The following CDC26 variants were observed in gnomAD, a reference collection of about 807,000 sequenced individuals.
CDC26 encodes the protein cell division cycle 26, also known as anaphase-promoting complex subunit CDC26.
In CDC26, 2 loss-of-function variants were observed where a neutral mutation model predicts 8.0. The ratio of observed to expected loss-of-function variants is 0.25; its 90% CI spans 0.10 to 0.79. The LOEUF (loss-of-function observed/expected upper bound fraction) is 0.79. CDC26 is among the 30% of genes least tolerant of loss of function. The pLI is 0.70. For synonymous variants in CDC26, 19 were observed against 34.9 expected (o/e 0.55, Z 1.60); for missense variants, 68 against 106.0 (o/e 0.64, Z 1.57).
At chr9:113,269,760 C>G (rs141988420) in intron 3 of CDC26, among the ~76,000 whole-genome samples, 3 of 152,264 alleles carry the variant, frequency 2.0e-5, no homozygotes, top group Non-Finnish European at 4.4e-5. Flanking sequence ...GCAAAAATTA[C>G]GATACTTAGA....
intron 3 of CDC26, among the ~76,000 whole-genome samples, chr9:113,270,923 T>C (rs1328005338): frequency 6.6e-6 from 1 of 152,214 alleles, no homozygotes; most frequent in Non-Finnish European, 1.5e-5. Context: ...TTCTTGATAC[T>C]GGATGCAGAA....
intron 3 of CDC26, among the ~76,000 whole-genome samples, chr9:113,268,692 G>A (rs1831903841): frequency 6.6e-6 from 1 of 152,164 alleles, no homozygotes; most frequent in African/African-American, 2.4e-5. Flanking sequence ...CAAGGCGGAG[G>A]ATTGCTTGAG....
chr9:113,275,304 CG>C, intron 1 of CDC26, 77 bp downstream of exon 1: 1 of 162,038 alleles, frequency 6.2e-6, no homozygotes, highest in South Asian at 1.7e-4. Context: ...CCCGTACGCC[CG>C]GGGGGCACAG....
chr9:113,269,632 A>C (rs1161448656), intron 3 of CDC26, among the ~76,000 whole-genome samples: 1 of 152,224 alleles, frequency 6.6e-6, no homozygotes, highest in African/African-American at 2.4e-5. Flanking sequence ...GACTAACTCA[A>C]TAGTGAGCTG....
intron 3 of CDC26, among the ~76,000 whole-genome samples, chr9:113,269,006 G>T (rs148820362): frequency 0.045 from 6,840 of 152,140 alleles, 477 homozygotes; most frequent in African/African-American, 0.15. Flanking sequence ...GCCTGCCTCG[G>T]CCTCTCAAGG....
chr9:113,267,956 C>T (rs1017287921), intron 3 of CDC26, among the ~76,000 whole-genome samples: 2 of 152,112 alleles, frequency 1.3e-5, no homozygotes, highest in African/African-American at 4.8e-5. Flanking sequence ...CACTGCACTC[C>T]AGCCTGGCGA....
chr9:113,269,231 A>G (rs1831914913), intron 3 of CDC26, among the ~76,000 whole-genome samples: 2 of 148,788 alleles, frequency 1.3e-5, no homozygotes, highest in Admixed American at 6.6e-5. Context: ...CAACAATAAA[A>G]ATAAAAAAAA....
At chr9:113,272,386 G>T in intron 3 of CDC26, 41 bp downstream of exon 3, 1 of 1,447,152 alleles carries the variant, frequency 6.9e-7, no homozygotes, top group Non-Finnish European at 9.7e-7. Flanking sequence ...GTGTGACAGA[G>T]CGAGACTCCA....
At chr9:113,268,714 G>C (rs563063980) in intron 3 of CDC26, among the ~76,000 whole-genome samples, 1 of 152,232 alleles carries the variant, frequency 6.6e-6, no homozygotes, top group East Asian at 1.9e-4. Flanking sequence ...CCAGGAGTGT[G>C]ACACTAGCCT....
At chr9:113,271,426 C>T in intron 3 of CDC26, among the ~76,000 whole-genome samples, 1 of 152,040 alleles carries the variant, frequency 6.6e-6, no homozygotes, top group Non-Finnish European at 1.5e-5. Flanking sequence ...TAAACACAAT[C>T]ACACATATCA....
intron 1 of CDC26, among the ~76,000 whole-genome samples, chr9:113,273,834 A>G (rs1235173396): frequency 6.6e-6 from 1 of 151,102 alleles, no homozygotes; most frequent in Non-Finnish European, 1.5e-5. Flanking sequence ...AAAAAAAAAA[A>G]AAAAAAAAAA....
intron 1 of CDC26, among the ~76,000 whole-genome samples, chr9:113,274,927 G>A (rs569265542): frequency 3.9e-5 from 6 of 152,246 alleles, no homozygotes; most frequent in South Asian, 2.1e-4. Context: ...ACCTTATCCT[G>A]TTCGTCTCTA....
intron 3 of CDC26, among the ~76,000 whole-genome samples, chr9:113,270,187 A>G (rs945948997): frequency 9.2e-5 from 14 of 152,342 alleles, no homozygotes; most frequent in African/African-American, 3.4e-4. Context: ...TTTCTGGCAA[A>G]GGGAACACTG....
intron 1 of CDC26, among the ~76,000 whole-genome samples, chr9:113,273,710 A>G (rs1831995903): frequency 6.7e-6 from 1 of 148,580 alleles, no homozygotes; most frequent in Non-Finnish European, 1.5e-5. Context: ...CTGGGCTGGT[A>G]GTGTGTACCT....
At chr9:113,271,569 G>A (rs902642572) in intron 3 of CDC26, among the ~76,000 whole-genome samples, 12 of 152,162 alleles carry the variant, frequency 7.9e-5, no homozygotes, top group African/African-American at 2.2e-4. Context: ...CCAAGGAATG[G>A]ATTCTTCCCT....
At position 113,269,394 on chromosome 9, in the gene CDC26, C is replaced by CT. The variant is rs1218423894; in HGVS notation, c.82-1956dup. 3.9e-5 allele frequency among the ~76,000 whole-genome samples: 6 copies of CT among 152,222 alleles called. No individual in the cohort carries two copies. In the East Asian group the frequency reaches 9.6e-4, roughly 24 times the overall value. On this transcript the variant is annotated intron_variant, in intron 3 of 3. Transcript: ENST00000374206. ...AACAAGTTCGAAAAGGCAAACAACTCTATCATTCTGAGAATATCCAAATGG... is the reference window on the plus strand; with the variant it reads ...AACAAGTTCGAAAAGGCAAACAACTCTTATCATTCTGAGAATATCCAAATGG...
intron 3 of CDC26, among the ~76,000 whole-genome samples, chr9:113,271,857 T>C (rs944446275): frequency 3.9e-5 from 6 of 152,312 alleles, no homozygotes; most frequent in African/African-American, 1.4e-4. Flanking sequence ...TATTTATGTA[T>C]GACAGAGAGT....
Position 113,275,478 on chromosome 9 carries a change from G to C in CDC26, c.-248C>G, listed in dbSNP as rs1167071642. 2.9e-5 allele frequency: 14 copies of C among 479,788 alleles called. No individual in the cohort carries two copies. The highest frequency in any genetic ancestry group is 4.5e-5 in the Non-Finnish European group (12 of 266,890). The allele number at this position is 479,788 out of a possible 1,614,324, so 29.7% of individuals were successfully genotyped here. A position where few individuals can be genotyped will look rare whatever the true frequency, so the allele number is the denominator to read the frequency against. On this transcript the variant is annotated 5_prime_UTR_variant, in exon 1 of 4. Coordinates refer to ENST00000374206, the MANE Select transcript of CDC26 (RefSeq NM_139286.4). ...TGGACTACACTTCCCAGACTGCTTG[G>C]AGCCTCTCTCTCCGCAGAACCTCGT...
intron 3 of CDC26, among the ~76,000 whole-genome samples, chr9:113,269,057 A>C (rs1588001471): frequency 6.6e-6 from 1 of 151,962 alleles, no homozygotes; most frequent in African/African-American, 2.4e-5. Flanking sequence ...CCCGGCCCAC[A>C]AAAAAATTTA....
Sources: gnomAD v4.1 joint callset for allele counts (sites outside exome capture counted in the v4.1 genomes callset) on GRCh38, gnomAD v4.1.1 for gene constraint, MANE v1.5 for transcripts, NCBI Gene and HGNC (gene_info 2026-07-23, HGNC 2026-07-21) for gene names.